KRT86: variants seen among roughly 807,000 people sequenced by gnomAD.
KRT86 encodes keratin 86, also known as keratin, type II cuticular Hb6.
KRT86 carries 30 observed loss-of-function variants against 41.2 expected under a neutral mutation model. That is an observed-to-expected ratio of 0.73 (90% CI 0.54 to 0.99). The LOEUF (loss-of-function observed/expected upper bound fraction) is 0.99. Ranked by LOEUF, KRT86 falls within the 50% of genes least tolerant of loss-of-function variation. KRT86 has a pLI of 0.00. For synonymous variants in KRT86, 238 were observed against 238.1 expected, an observed-to-expected ratio of 1.00 and a Z score of 0.00; for missense variants, 561 against 571.4, an observed-to-expected ratio of 0.98 and a Z score of 0.19.
chr12:52,286,912 G>C (rs1283778851), intron 2 of KRT86: 13 of 1,549,120 alleles, frequency 8.4e-6, no homozygotes, highest in South Asian at 3.4e-5. Flanking sequence ...TCCACAACTG[G>C]TCAATTAAGA....
In KRT86 at chr12:52,281,311, C is replaced by T. The variant is rs117860759; in HGVS notation, c.-5+5365C>T. 3.3e-5 allele frequency among the ~76,000 whole-genome samples: 5 copies of T among 152,324 alleles called. No individual in the cohort carries two copies. In the East Asian group the frequency reaches 9.6e-4, roughly 29 times the overall value. ...GGCTCTGCATGCCTGCCTCACACTC[C>T]GTTGTATTTAAACATGTCAGATGCT... On this transcript the variant is annotated intron_variant, in intron 2 of 10. Transcript: ENST00000423955.
intron 2 of KRT86, 73 bp from the exon 3 acceptor site, chr12:52,301,840 G>A: frequency 1.2e-6 from 2 of 1,613,188 alleles, no homozygotes; most frequent in Non-Finnish European, 1.7e-6. Flanking sequence ...AGTAGTGAAC[G>A]CCTGACGCCC....
rs139669315 is a variant in KRT86, at chr12:52,296,411, T to C, written c.-4-5502T>C. Among the ~76,000 whole-genome samples the C allele has an allele frequency of 7.0e-3, 1,058 of 152,226 alleles. 7 individuals are homozygous for C. Among genetic ancestry groups the C allele is most frequent in the Middle Eastern group, 0.01 (3 of 294 alleles). On this transcript the variant is annotated intron_variant, in intron 2 of 10. Coordinates refer to ENST00000423955, the MANE Select transcript of KRT86 (RefSeq NM_001320198.2). ...TAGGCCCACTGGAAGAGGTGGGCAC[T>C]GTAGTTCCAGATTTATAGTAATGAA...
intron 3 of KRT86, 102 bp downstream of exon 3, chr12:52,302,387 G>A: frequency 9.4e-6 from 4 of 426,124 alleles, no homozygotes; most frequent in Non-Finnish European, 1.6e-5. Flanking sequence ...CTGCCTGCCT[G>A]AGATCCCAGT....
Position 52,286,343 on chromosome 12 carries a change from G to A in KRT86, c.-5+10397G>A, listed in dbSNP as rs989679449. 5 of 1,555,270 alleles carry A rather than the reference G, an allele frequency of 3.2e-6. 1 individual carries two copies. Among genetic ancestry groups the A allele is most frequent in the Non-Finnish European group, 4.4e-6 (5 of 1,148,916 alleles). On this transcript the variant is annotated intron_variant, in intron 2 of 10. Transcript: ENST00000423955. ...CACGCCGCAGGAACCCCCTCCGCAG[G>A]TGGTGTTCAATTGGCCGCAGGGCGC...
chr12:52,308,794 A>G lies in KRT86; in HGVS notation c.*209A>G, dbSNP rs185290279. 258 of 587,038 alleles carry G rather than the reference A, an allele frequency of 4.4e-4. No individual in the cohort carries two copies. The highest frequency in any genetic ancestry group is 1.8e-3 in the Middle Eastern group (4 of 2,196). 36.4% of individuals were successfully genotyped at this position (587,038 alleles called of 1,614,324 possible). On this transcript the variant is annotated 3_prime_UTR_variant, in exon 11 of 11. Coordinates refer to ENST00000423955, the MANE Select transcript of KRT86 (RefSeq NM_001320198.2). ...GGGAGGCGCCATGGTCTCTCTCTGT[A>G]GCCTTTCCTGGTAGTCAATTTGTTG... is the stretch of plus-strand genomic sequence containing the variant.
chr12:52,308,088 A>G (rs889916123), intron 9 of KRT86, 145 bp from the exon 10 acceptor site: 8 of 1,041,890 alleles, frequency 7.7e-6, no homozygotes, highest in Non-Finnish European at 1.1e-5. Context: ...ACCCGAGTCT[A>G]CACTGGCTCC....
chr12:52,308,507 C>T lies in KRT86; in HGVS notation c.1383C>T (p.Asn461=). Residue 461 remains asparagine, a synonymous_variant, in exon 11 of 11, where the codon AAC becomes AAT. Coordinates refer to ENST00000423955, the MANE Select transcript of KRT86 (RefSeq NM_001320198.2). ...TRVSSVPSNS[N]VVVGTTNACA... ...TCAGTAGCGTCCCCAGCAACAGCAA[C>T]GTGGTGGTGGGCACTACTAACGCCT... is the stretch of plus-strand genomic sequence containing the variant. 1 of 1,607,308 alleles carries T rather than the reference C, an allele frequency of 6.2e-7. No homozygotes were observed. The highest frequency in any genetic ancestry group is 8.5e-7 in the Non-Finnish European group (1 of 1,179,870).
intron 2 of KRT86, among the ~76,000 whole-genome samples, chr12:52,283,470 A>ATTTTTTTTTTTTTTTTTTTTTTTTTTT (rs200241229): frequency 1.5e-5 from 1 of 65,348 alleles, no homozygotes; most frequent in Non-Finnish European, 2.5e-5. Context: ...TAATCCAAGC[A>ATTTTTTTTTTTTTTTTTTTTTTTTTTT]TTTTTTTTTT....
intron 9 of KRT86, among the ~76,000 whole-genome samples, chr12:52,307,294 C>T (rs1938540844): frequency 6.6e-6 from 1 of 152,134 alleles, no homozygotes; most frequent in Non-Finnish European, 1.5e-5. Context: ...AGGAGTTTTC[C>T]AAGTCTGAAT....
At chr12:52,287,457 T>C in intron 2 of KRT86, 5 of 1,576,454 alleles carry the variant, frequency 3.2e-6, no homozygotes, top group Non-Finnish European at 4.3e-6. Context: ...CTGGGACTCA[T>C]TGAGAGACCA....
intron 2 of KRT86, chr12:52,291,583 C>G: frequency 6.8e-7 from 1 of 1,474,972 alleles, no homozygotes; most frequent in Non-Finnish European, 9.2e-7. Context: ...TCTGAAGGGG[C>G]TTGGCTGTGA....
At chr12:52,277,299 G>A (rs972209388) in intron 2 of KRT86, among the ~76,000 whole-genome samples, 60 of 151,702 alleles carry the variant, frequency 4.0e-4, no homozygotes, top group African/African-American at 1.4e-3. Context: ...TCTTCACCCT[G>A]AAGGTAGACA....
chr12:52,290,540 C>CG (rs1304449281), intron 2 of KRT86, among the ~76,000 whole-genome samples: 1 of 16,774 alleles, frequency 6.0e-5, no homozygotes, highest in Non-Finnish European at 9.9e-5. Context: ...AGTGACCCCC[C>CG]CCCCCCAACC....
chr12:52,304,800 G>A, intron 5 of KRT86, 132 bp from the exon 6 acceptor site: 3 of 1,031,148 alleles, frequency 2.9e-6, no homozygotes, highest in Admixed American at 1.7e-5. Context: ...GGGCCAGAAG[G>A]GAAGGAGAGG....
intron 2 of KRT86, chr12:52,286,540 C>T: frequency 6.5e-7 from 1 of 1,533,806 alleles, no homozygotes; most frequent in East Asian, 2.4e-5. Context: ...GCAAGCCATC[C>T]TGCCTTCCTG....
chr12:52,308,055 T>G (rs1938555998), intron 9 of KRT86, among the ~76,000 whole-genome samples, 178 bp from the exon 10 acceptor site: 1 of 152,174 alleles, frequency 6.6e-6, no homozygotes, highest in East Asian at 1.9e-4. Context: ...TCACAGGCCT[T>G]CTGTCTCCAG....
At chr12:52,286,904 C>G (rs1937961074) in intron 2 of KRT86, 1 of 1,555,876 alleles carries the variant, frequency 6.4e-7, no homozygotes, top group African/African-American at 1.4e-5. Flanking sequence ...GGGTAGGGTC[C>G]ACAACTGGTC....
rs1938354026 is a variant in KRT86 at position 52,300,751 on chromosome 12, T to A, written c.-4-1162T>A. Among the ~76,000 whole-genome samples the A allele has an allele frequency of 3.9e-5, 6 of 152,232 alleles. No homozygotes were observed. In the South Asian group the frequency reaches 1.2e-3, roughly 31 times the overall value. Reference sequence around the variant, plus strand: ...GGACTCAGGGGATGATGGCAGGGGCTGGATGCTCTCCTCATGTGGCTCTAT... The same window carrying A: ...GGACTCAGGGGATGATGGCAGGGGCAGGATGCTCTCCTCATGTGGCTCTAT... On this transcript the variant is annotated intron_variant, in intron 2 of 10. Transcript: ENST00000423955.
Sources: gnomAD v4.1 joint callset for allele counts (sites outside exome capture counted in the v4.1 genomes callset) on GRCh38, gnomAD v4.1.1 for gene constraint, MANE v1.5 for transcripts, NCBI Gene and HGNC (gene_info 2026-07-23, HGNC 2026-07-21) for gene names.